Variants in MCM6 observed in about 807,000 individuals in gnomAD.
The protein encoded by MCM6 is minichromosome maintenance complex component 6.
A neutral mutation model predicts 94.3 loss-of-function variants in MCM6; 46 were observed. That is an observed-to-expected ratio of 0.49 (90% CI 0.39 to 0.62). MCM6 has a LOEUF of 0.62. Among genes scored for constraint, MCM6 ranks in the 20% least tolerant of loss-of-function variants. The pLI, the probability that MCM6 is intolerant of heterozygous loss-of-function variation, is 0.00. For missense variants in MCM6, 865 were observed against 1,017.9 expected, an observed-to-expected ratio of 0.85 and a Z score of 2.04; for synonymous variants, 335 against 351.9, an observed-to-expected ratio of 0.95 and a Z score of 0.54.
At chr2:135,867,854 T>C (rs1165134079) in intron 4 of MCM6, among the ~76,000 whole-genome samples, 1 of 152,042 alleles carries the variant, frequency 6.6e-6, no homozygotes, top group Non-Finnish European at 1.5e-5. Context: ...GATGAAACCC[T>C]GTCTCTACTA....
intron 16 of MCM6, 99 bp downstream of exon 16, chr2:135,844,446 C>T: frequency 9.0e-7 from 1 of 1,115,242 alleles, no homozygotes; most frequent in Non-Finnish European, 1.2e-6. Flanking sequence ...TGATTCAAAA[C>T]AAACAAAGGT....
intron 10 of MCM6, 60 bp downstream of exon 10, chr2:135,857,837 T>C (rs1330190672): frequency 1.4e-6 from 2 of 1,380,912 alleles, no homozygotes; most frequent in Non-Finnish European, 2.1e-6. Context: ...ACTTCTCTAG[T>C]ACTACATTAA....
intron 16 of MCM6, among the ~76,000 whole-genome samples, chr2:135,842,251 C>T (rs1312187159): frequency 6.6e-6 from 1 of 152,186 alleles, no homozygotes; most frequent in Non-Finnish European, 1.5e-5. Context: ...ACATGTCCCA[C>T]CACTAGAAAA....
intron 11 of MCM6, 32 bp downstream of exon 11, chr2:135,856,696 C>A (rs1575362499): frequency 6.2e-7 from 1 of 1,607,798 alleles, no homozygotes; most frequent in Non-Finnish European, 8.5e-7. Flanking sequence ...ATTACTCCAA[C>A]TGGAAATAAA....
At chr2:135,875,859 C>T (rs564377192) in intron 1 of MCM6, among the ~76,000 whole-genome samples, 49 of 152,356 alleles carry the variant, frequency 3.2e-4, no homozygotes, top group African/African-American at 1.2e-3. Context: ...CAGCAGGGCA[C>T]CGACGAGATT....
intron 3 of MCM6, 96 bp downstream of exon 3, chr2:135,870,155 G>A (rs1680174511): frequency 1.2e-6 from 1 of 803,382 alleles, no homozygotes; most frequent in Non-Finnish European, 2.2e-6. Flanking sequence ...CCAGCTAATA[G>A]CAGATCAAGG....
intron 9 of MCM6, among the ~76,000 whole-genome samples, chr2:135,858,868 A>G (rs1679937973): frequency 1.3e-5 from 2 of 148,724 alleles, no homozygotes. Flanking sequence ...ACTATGAATT[A>G]TTTACTAAAG....
chr2:135,853,656 C>A (rs979979428), intron 11 of MCM6, among the ~76,000 whole-genome samples: 1 of 151,782 alleles, frequency 6.6e-6, no homozygotes, highest in African/African-American at 2.4e-5. Context: ...AGTAGTGGAG[C>A]CAGGATTTGA....
Position 135,875,255 on chromosome 2 carries a change from T to C in MCM6, c.107+1004A>G, listed in dbSNP as rs557042721. Among the ~76,000 whole-genome samples, 470 of 151,756 alleles carry C rather than the reference T, an allele frequency of 3.1e-3. 1 individual carries two copies. Among genetic ancestry groups the C allele is most frequent in the Middle Eastern group, 6.8e-3 (2 of 292 alleles). ...GGCGCATGCCTGTAATTCCAGCTAG[T>C]AGGGAGGCTGAGGCAGGAGAATAGC... On this transcript the variant is annotated intron_variant, in intron 1 of 16. Coordinates refer to ENST00000264156, the MANE Select transcript of MCM6 (RefSeq NM_005915.6).
chr2:135,852,844 G>C lies in MCM6; in HGVS notation c.1698C>G (p.Val566=). The part of the protein sequence containing the change: ...HSRIEESIDR[V]YSLDDIRRYL... The stretch of plus-strand genomic sequence containing the variant: ...ATCTTCTGATATCATCGAGGGAATA[G>C]ACACGATCAATTGATTCCTCAATTC... The change falls in exon 12 of 17, where the codon GTC becomes GTG. Residue 566 remains valine, a synonymous_variant. Transcript: ENST00000264156. 1 of 1,610,808 alleles carries C rather than the reference G, an allele frequency of 6.2e-7. No homozygotes were observed. Among genetic ancestry groups the C allele is most frequent in the Non-Finnish European group, 8.5e-7 (1 of 1,178,168 alleles).
intron 7 of MCM6, among the ~76,000 whole-genome samples, chr2:135,864,455 AC>A (rs1353536880): frequency 6.6e-6 from 1 of 151,914 alleles, no homozygotes; most frequent in Non-Finnish European, 1.5e-5. Flanking sequence ...ACATAGCAAA[AC>A]CCCGTCTCTC....
intron 13 of MCM6, 120 bp from the exon 14 acceptor site, chr2:135,848,308 G>A (rs1679708509): frequency 3.2e-6 from 2 of 622,052 alleles, no homozygotes; most frequent in Non-Finnish European, 5.6e-6. Context: ...CACTCTCACA[G>A]TGTTGCTTTG....
intron 8 of MCM6, among the ~76,000 whole-genome samples, chr2:135,861,762 G>A (rs769608243): frequency 1.6e-4 from 25 of 152,180 alleles, no homozygotes; most frequent in Non-Finnish European, 3.4e-4. Context: ...GTATACAGGC[G>A]CCCGCCACCA....
intron 14 of MCM6, 46 bp from the exon 15 acceptor site, chr2:135,846,438 C>T: frequency 6.5e-7 from 1 of 1,547,404 alleles, no homozygotes. Flanking sequence ...GTGCCCTTAA[C>T]ATCCCCTTGT....
intron 3 of MCM6, among the ~76,000 whole-genome samples, chr2:135,869,847 T>C (rs1672079597): frequency 6.6e-6 from 1 of 152,130 alleles, no homozygotes; most frequent in South Asian, 2.1e-4. Context: ...CCCATCTCCA[T>C]AGGAAAATAC....
At chr2:135,871,663 A>T (rs2105592843) in intron 2 of MCM6, among the ~76,000 whole-genome samples, 1 of 152,376 alleles carries the variant, frequency 6.6e-6, no homozygotes, top group Admixed American at 6.5e-5. Context: ...TATAATGTCT[A>T]ACCATAGTAT....
chr2:135,849,606 T>C (rs1482051705), intron 13 of MCM6, among the ~76,000 whole-genome samples: 1 of 152,208 alleles, frequency 6.6e-6, no homozygotes, highest in African/African-American at 2.4e-5. Context: ...GAACTAGCCC[T>C]ACATTTAAAC....
In MCM6 at chr2:135,862,745, T is replaced by C. The variant is rs141448886; in HGVS notation, c.1082A>G (p.Asn361Ser). ...CAGGACACCCCGTTTTACTTCATCA[T>C]TGCCTGAAATGAAAAGAAGCTACAG... is the stretch of plus-strand genomic sequence containing the variant. Reference protein sequence around the residue: ...CTSLFPTIHGNDEVKRGVLLM... With the variant: ...CTSLFPTIHGSDEVKRGVLLM... Residue 361 changes from asparagine (N) to serine (S), a missense_variant, in exon 8 of 17, where the codon AAT becomes AGT. Asn to Ser is a conservative substitution (Grantham distance 46). Coordinates refer to ENST00000264156, the MANE Select transcript of MCM6 (RefSeq NM_005915.6). 4.0e-3 allele frequency: 6,490 copies of C among 1,613,242 alleles called. 22 individuals carry two copies. The highest frequency in any genetic ancestry group is 4.4e-3 in the Non-Finnish European group (5,243 of 1,179,720).
intron 6 of MCM6, among the ~76,000 whole-genome samples, 198 bp downstream of exon 6, chr2:135,865,934 T>G (rs1438531970): frequency 6.6e-6 from 1 of 152,034 alleles, no homozygotes; most frequent in Non-Finnish European, 1.5e-5. Context: ...AGACCTCATC[T>G]CTAAAAAAGT....
Sources: gnomAD v4.1 joint callset for allele counts (sites outside exome capture counted in the v4.1 genomes callset) on GRCh38, gnomAD v4.1.1 for gene constraint, MANE v1.5 for transcripts, NCBI Gene and HGNC (gene_info 2026-07-23, HGNC 2026-07-21) for gene names.